The following ADGRL3 variants were observed in gnomAD, a reference collection of about 807,000 sequenced individuals.
ADGRL3 encodes calcium-independent alpha-latrotoxin receptor 3.
In ADGRL3, 62 loss-of-function variants were observed where a neutral mutation model predicts 153.5. That is an observed-to-expected ratio of 0.40 (90% CI 0.33 to 0.50). The LOEUF is 0.50. Among genes scored for constraint, ADGRL3 ranks in the 20% least tolerant of loss-of-function variants. The probability of loss-of-function intolerance (pLI) is 0.47; values close to 1 mark genes in which losing one functional copy is unlikely to be tolerated. For synonymous variants in ADGRL3, 710 were observed against 672.5 expected (o/e 1.06, Z -0.86); for missense variants, 1,641 against 1,859.4 (o/e 0.88, Z 2.16).
chr4:61,510,774 A>T (rs1216298186), intron 3 of ADGRL3, among the ~76,000 whole-genome samples: 1 of 152,128 alleles, frequency 6.6e-6, no homozygotes, highest in Non-Finnish European at 1.5e-5. Flanking sequence ...ATTTTACAAT[A>T]GTTTTTTTCT....
intron 2 of ADGRL3, among the ~76,000 whole-genome samples, chr4:61,413,441 A>G (rs1439446122): frequency 6.6e-6 from 1 of 152,076 alleles, no homozygotes; most frequent in Non-Finnish European, 1.5e-5. Flanking sequence ...CAAGGTCCCC[A>G]CTAGCCCTGC....
At chr4:61,241,991 A>G (rs1755159553) in intron 1 of ADGRL3, among the ~76,000 whole-genome samples, 1 of 152,020 alleles carries the variant, frequency 6.6e-6, no homozygotes, top group Non-Finnish European at 1.5e-5. Flanking sequence ...CCCAGGTGCT[A>G]TGGCTTCTAT....
chr4:61,776,331 G>C (rs1294449121), intron 8 of ADGRL3, among the ~76,000 whole-genome samples: 3 of 152,150 alleles, frequency 2.0e-5, no homozygotes, highest in African/African-American at 7.2e-5. Context: ...TATTATATGT[G>C]AATGAAGTAG....
rs1056954862 is a variant in ADGRL3 at position 61,802,960 on chromosome 4, T to C, written c.1400-10849T>C. On this transcript the variant is annotated intron_variant, in intron 8 of 26. Transcript: ENST00000683033. ...CCCACATGAGGCAAGCTAATATATC[T>C]ATCAGATACTGTTTCCTTGAAGGAA... 5.9e-5 allele frequency among the ~76,000 whole-genome samples: 9 copies of C among 152,108 alleles called. No homozygotes were observed. In the South Asian group the frequency reaches 6.2e-4, roughly 10 times the overall value.
At chr4:61,651,163 G>T (rs1381171963) in intron 5 of ADGRL3, among the ~76,000 whole-genome samples, 2 of 152,068 alleles carry the variant, frequency 1.3e-5, no homozygotes, top group Non-Finnish European at 2.9e-5. Flanking sequence ...TATGAGAAAA[G>T]CATAGAAATC....
chr4:61,462,808 A>T (rs2152609748), intron 2 of ADGRL3, among the ~76,000 whole-genome samples: 2 of 152,286 alleles, frequency 1.3e-5, no homozygotes, highest in South Asian at 4.1e-4. Flanking sequence ...CCATGTGTGT[A>T]ATGGATATAC....
chr4:61,892,285 A>G (rs187828574), intron 9 of ADGRL3, among the ~76,000 whole-genome samples: 2 of 152,172 alleles, frequency 1.3e-5, no homozygotes, highest in Non-Finnish European at 2.9e-5. Flanking sequence ...CTTCTATACA[A>G]AGTTTGATAA....
chr4:61,696,706 C>T (rs866666359), intron 6 of ADGRL3, among the ~76,000 whole-genome samples: 95 of 118,672 alleles, frequency 8.0e-4, no homozygotes, highest in African/African-American at 3.1e-3. Flanking sequence ...GATGGAGTCT[C>T]GCTCTCTCGC....
intron 6 of ADGRL3, among the ~76,000 whole-genome samples, chr4:61,683,215 CA>C (rs1340994305): frequency 6.6e-6 from 1 of 151,432 alleles, no homozygotes; most frequent in Non-Finnish European, 1.5e-5. Flanking sequence ...CTGGCTTAAG[CA>C]ATCCTCCAAC....
rs187812732 is a variant in ADGRL3 at position 61,871,949 on chromosome 4, G to A, written c.1481-20707G>A. ...GCCTGCCTTGATAACTAATCTAAAT[G>A]TCAAAAATTTCTTCTTTATACTTAC... On this transcript the variant is annotated intron_variant, in intron 9 of 26. Coordinates refer to ENST00000683033, the MANE Select transcript of ADGRL3 (RefSeq NM_001387552.1). Among the ~76,000 whole-genome samples the A allele has an allele frequency of 5.9e-5, 9 of 152,150 alleles. No individual in the cohort carries two copies. The East Asian group carries it at 1.5e-3, about 26-fold the overall frequency.
At chr4:61,990,581 C>T (rs1005264533) in intron 19 of ADGRL3, among the ~76,000 whole-genome samples, 1 of 151,898 alleles carries the variant, frequency 6.6e-6, no homozygotes, top group African/African-American at 2.4e-5. Flanking sequence ...TGCAGTGAAG[C>T]TGTTTAATAA....
intron 5 of ADGRL3, among the ~76,000 whole-genome samples, chr4:61,591,736 C>T (rs11131334): frequency 0.54 from 82,136 of 151,584 alleles, 22,707 homozygotes; most frequent in East Asian, 0.66. Flanking sequence ...GTTTTAGACT[C>T]AGGTTGTTCA....
chr4:61,477,250 G>A (rs2098075459), intron 2 of ADGRL3, among the ~76,000 whole-genome samples: 1 of 152,044 alleles, frequency 6.6e-6, no homozygotes, highest in Non-Finnish European at 1.5e-5. Flanking sequence ...TTCATAGCCC[G>A]ATTTTAATCT....
At chr4:61,306,487 CTGAG>C (rs1413320854) in intron 1 of ADGRL3, among the ~76,000 whole-genome samples, 5 of 152,164 alleles carry the variant, frequency 3.3e-5, no homozygotes, top group Non-Finnish European at 5.9e-5. Context: ...AGGCATTACA[CTGAG>C]TAACATGTAA....
chr4:61,780,132 AC>A (rs1479216758), intron 8 of ADGRL3, among the ~76,000 whole-genome samples: 4 of 152,200 alleles, frequency 2.6e-5, no homozygotes, highest in South Asian at 4.1e-4. Flanking sequence ...TCCTCTCTAG[AC>A]TTAGGCTGCT....
intron 1 of ADGRL3, among the ~76,000 whole-genome samples, chr4:61,243,001 TA>T (rs1431126642): frequency 6.6e-6 from 1 of 152,032 alleles, no homozygotes; most frequent in Admixed American, 6.6e-5. Context: ...GCAAGTGCCA[TA>T]AGCAGTCTAC....
At chr4:61,444,576 C>T (rs2097561170) in intron 2 of ADGRL3, among the ~76,000 whole-genome samples, 1 of 152,116 alleles carries the variant, frequency 6.6e-6, no homozygotes, top group Non-Finnish European at 1.5e-5. Context: ...AAAAAATTCC[C>T]CCTCTTCTCC....
chr4:61,613,823 T>A (rs2091680641), intron 5 of ADGRL3, among the ~76,000 whole-genome samples: 1 of 152,112 alleles, frequency 6.6e-6, no homozygotes, highest in African/African-American at 2.4e-5. Context: ...TAAACTGAGA[T>A]GCAAATGGGG....
At chr4:61,861,169 A>G (rs1319921003) in intron 9 of ADGRL3, among the ~76,000 whole-genome samples, 7 of 152,204 alleles carry the variant, frequency 4.6e-5, no homozygotes, top group Non-Finnish European at 8.8e-5. Flanking sequence ...AGCTGAGAGT[A>G]GGGGTGTATA....
Sources: allele counts gnomAD v4.1 joint callset (sites outside exome capture counted in the v4.1 genomes callset), GRCh38; gene constraint gnomAD v4.1.1; transcripts MANE v1.5; gene names NCBI Gene and HGNC (gene_info 2026-07-23, HGNC 2026-07-21).